Variants in PITPNM2 observed in about 807,000 individuals in gnomAD.
PITPNM2 encodes phosphatidylinositol transfer protein membrane associated 2, also known as membrane-associated phosphatidylinositol transfer protein 2.
PITPNM2 carries 35 observed loss-of-function variants against 132.2 expected under a neutral mutation model. The ratio of observed to expected loss-of-function variants is 0.26; its 90% confidence interval spans 0.20 to 0.35. PITPNM2 has a LOEUF of 0.35. PITPNM2 is among the 10% of genes least tolerant of loss of function. The pLI is 1.00. For missense variants in PITPNM2, 1,332 were observed against 1,912.0 expected, an observed-to-expected ratio of 0.70 and a Z score of 5.66; for synonymous variants, 738 against 799.2, an observed-to-expected ratio of 0.92 and a Z score of 1.29.
Position 123,040,304 on chromosome 12 carries a change from A to AGTG in PITPNM2, c.-95-5622_-95-5620dup, listed in dbSNP as rs1359240370. ...GTGATAAAAAAGCTTTGGAAGTGGTAGTGGTGATGGTTGCTCAACATTGTG... is the reference window on the plus strand; with the variant it reads ...GTGATAAAAAAGCTTTGGAAGTGGTAGTGGTGGTGATGGTTGCTCAACATTGTG... On this transcript the variant is annotated intron_variant, in intron 2 of 25. Coordinates refer to ENST00000320201, the MANE Select transcript of PITPNM2 (RefSeq NM_020845.3). Among the ~76,000 whole-genome samples, 7 of 152,312 alleles carry AGTG rather than the reference A, an allele frequency of 4.6e-5. No individual in the cohort carries two copies. The East Asian group carries it at 1.3e-3, about 29-fold the overall frequency.
chr12:123,117,305 C>T lies in PITPNM2; in HGVS notation c.-199-6817G>A, dbSNP rs954916796. 1.3e-5 allele frequency among the ~76,000 whole-genome samples: 2 copies of T among 152,164 alleles called. No individual in the cohort carries two copies. The highest frequency in any genetic ancestry group is 4.8e-5 in the African/African-American group (2 of 41,428). ...TTCTCCAGTGATCCTACGGAGTAAG[C>T]TGGCCATCAGATGATCAACTCAAGC... On this transcript the variant is annotated intron_variant, in intron 1 of 25. Transcript: ENST00000320201. The surrounding 1 kb of genome is among the most constrained non-coding windows in gnomAD (Gnocchi z 4.7).
At position 123,111,901 on chromosome 12, in the gene PITPNM2, T is replaced by C. The variant is rs2042843660; in HGVS notation, c.-199-1413A>G. Among the ~76,000 whole-genome samples, 1 of 152,090 alleles carries C rather than the reference T, an allele frequency of 6.6e-6. No homozygotes were observed. Among genetic ancestry groups the C allele is most frequent in the Non-Finnish European group, 1.5e-5 (1 of 68,026 alleles). On this transcript the variant is annotated intron_variant, in intron 1 of 25. Transcript: ENST00000320201. This position sits in a 1 kb window ranked among gnomAD's most constrained non-coding sequence, Gnocchi z 4.1. ...AGTTGAGGCCAGCAACTCTGAAGTCTCCCCATGTTCGAGGTGAGGAAAGCT... is the reference window on the plus strand; with the variant it reads ...AGTTGAGGCCAGCAACTCTGAAGTCCCCCCATGTTCGAGGTGAGGAAAGCT...
At chr12:123,037,123 C>T (rs1208934386) in intron 2 of PITPNM2, among the ~76,000 whole-genome samples, 1 of 152,238 alleles carries the variant, frequency 6.6e-6, no homozygotes, top group Non-Finnish European at 1.5e-5. Flanking sequence ...AATGGCCCTA[C>T]AGTCCCCAGG....
rs575148554 is a variant in PITPNM2, at chr12:123,111,049, C to A, written c.-199-561G>T. Among the ~76,000 whole-genome samples, 1 of 152,278 alleles carries A rather than the reference C, an allele frequency of 6.6e-6. No individual in the cohort carries two copies. The highest frequency in any genetic ancestry group is 2.4e-5 in the African/African-American group (1 of 41,564). ...GATCTGACTACCCAGAGGCCAGAGA[C>A]AAGCATTCAAAACAAAATGAAAAAG... is the stretch of plus-strand genomic sequence containing the variant. On this transcript the variant is annotated intron_variant, in intron 1 of 25. Coordinates refer to ENST00000320201, the MANE Select transcript of PITPNM2 (RefSeq NM_020845.3). This position sits in a 1 kb window ranked among gnomAD's most constrained non-coding sequence, Gnocchi z 4.1.
intron 3 of PITPNM2, among the ~76,000 whole-genome samples, chr12:123,029,308 G>T (rs1173909726): frequency 6.6e-6 from 1 of 152,234 alleles, no homozygotes; most frequent in Admixed American, 6.5e-5. Context: ...AAAGAAACTG[G>T]CTGTGCATGG....
At chr12:123,033,650 A>G (rs990606226) in intron 3 of PITPNM2, among the ~76,000 whole-genome samples, 4 of 152,156 alleles carry the variant, frequency 2.6e-5, no homozygotes, top group Non-Finnish European at 4.4e-5. Flanking sequence ...TTGGCAAGGC[A>G]TTTAACATCT....
chr12:123,132,521 CTTT>C (rs10658758), intron 1 of PITPNM2, among the ~76,000 whole-genome samples: 450 of 145,032 alleles, frequency 3.1e-3, no homozygotes, highest in African/African-American at 0.01. Context: ...TTTTCTTTCC[CTTT>C]TTTTTTTTTT....
chr12:123,042,410 T>C (rs1477000249), intron 2 of PITPNM2, among the ~76,000 whole-genome samples: 4 of 152,176 alleles, frequency 2.6e-5, no homozygotes, highest in Non-Finnish European at 5.9e-5. Flanking sequence ...ATTGTGTTTA[T>C]AGAACTTAAT....
At position 123,022,191 on chromosome 12, in the gene PITPNM2, C is replaced by A. The variant is rs141930720; in HGVS notation, c.79-8149G>T. On this transcript the variant is annotated intron_variant, in intron 3 of 25. Transcript: ENST00000320201. The surrounding 1 kb of genome is among the most constrained non-coding windows in gnomAD (Gnocchi z 4.9). Reference sequence around the variant, plus strand: ...GGAGGGGCCAGGCAGCACGGCTCTCCGCTCAGCCTTTTTCTGGTCCTGGAT... The same window carrying A: ...GGAGGGGCCAGGCAGCACGGCTCTCAGCTCAGCCTTTTTCTGGTCCTGGAT... 6.6e-6 allele frequency among the ~76,000 whole-genome samples: 1 copy of A among 152,150 alleles called. No homozygotes were observed. Among genetic ancestry groups the A allele is most frequent in the African/African-American group, 2.4e-5 (1 of 41,424 alleles).
intron 2 of PITPNM2, among the ~76,000 whole-genome samples, chr12:123,044,506 G>A (rs1433806249): frequency 7.2e-5 from 11 of 152,174 alleles, no homozygotes; most frequent in African/African-American, 1.9e-4. Context: ...AGAGCTTTCC[G>A]GAACCATCCA....
intron 3 of PITPNM2, among the ~76,000 whole-genome samples, chr12:123,016,827 T>C (rs1203655152): frequency 6.7e-6 from 1 of 149,160 alleles, no homozygotes; most frequent in Non-Finnish European, 1.5e-5. Context: ...GGCTGGATCA[T>C]GAAGTCAGGA....
intron 1 of PITPNM2, among the ~76,000 whole-genome samples, chr12:123,121,805 G>T (rs2043037672): frequency 6.6e-6 from 1 of 151,684 alleles, no homozygotes; most frequent in African/African-American, 2.4e-5. Flanking sequence ...TCTGCCTCTT[G>T]AGTCCCTGAG....
At chr12:123,074,052 C>A (rs1181880581) in intron 2 of PITPNM2, among the ~76,000 whole-genome samples, 1 of 152,146 alleles carries the variant, frequency 6.6e-6, no homozygotes, top group Non-Finnish European at 1.5e-5. Context: ...GAGCAGGTTG[C>A]ATGTATAACT....
chr12:123,010,585 G>C (rs2039149363), intron 5 of PITPNM2: 1 of 157,422 alleles, frequency 6.4e-6, no homozygotes, highest in African/African-American at 2.4e-5. Flanking sequence ...GGAATCAAGA[G>C]GTCAAGAATG....
chr12:122,995,687 G>T, intron 13 of PITPNM2, 27 bp from the exon 14 acceptor site: 1 of 1,555,304 alleles, frequency 6.4e-7, no homozygotes, highest in Admixed American at 1.8e-5. Context: ...GAGGCTCACT[G>T]CCAGGTGGCC....
chr12:123,119,679 C>T (rs1384958664), intron 1 of PITPNM2, among the ~76,000 whole-genome samples: 2 of 151,906 alleles, frequency 1.3e-5, no homozygotes, highest in African/African-American at 2.4e-5. Context: ...CTTAATCACA[C>T]CTAAATGAAA....
chr12:123,000,756 C>T lies in PITPNM2; in HGVS notation c.1224+22G>A. The T allele has an allele frequency of 3.1e-6, 5 of 1,613,006 alleles. No individual in the cohort carries two copies. The highest frequency in any genetic ancestry group is 3.4e-6 in the Non-Finnish European group (4 of 1,179,472). On this transcript the variant is annotated intron_variant, in intron 10 of 25. Transcript: ENST00000320201. This position sits in a 1 kb window ranked among gnomAD's most constrained non-coding sequence, Gnocchi z 5.4. The stretch of plus-strand genomic sequence containing the variant: ...CTCCCTTGGCGGCCATGCCCCTGTC[C>T]CTCTGACACCCGGGCACCCACCTCT...
intron 1 of PITPNM2, among the ~76,000 whole-genome samples, chr12:123,119,337 G>A (rs1281817985): frequency 6.6e-6 from 1 of 150,498 alleles, no homozygotes; most frequent in Non-Finnish European, 1.5e-5. Flanking sequence ...GCTCTATCTA[G>A]AAGCATAGAG....
chr12:123,041,894 GAA>G (rs1379624861), intron 2 of PITPNM2, among the ~76,000 whole-genome samples: 1 of 152,054 alleles, frequency 6.6e-6, no homozygotes. Context: ...CCTGGCCTTA[GAA>G]AAGTCTTCAG....
Sources: allele counts gnomAD v4.1 joint callset (sites outside exome capture counted in the v4.1 genomes callset), GRCh38; gene constraint gnomAD v4.1.1; non-coding constraint Gnocchi (gnomAD v3.1); transcripts MANE v1.5; gene names NCBI Gene and HGNC (gene_info 2026-07-23, HGNC 2026-07-21).